CDYL: variants seen among roughly 807,000 people sequenced by gnomAD.
CDYL encodes the protein chromodomain Y-like protein.
Under a neutral mutation model 47.3 loss-of-function variants are expected in CDYL, and 8 were observed. The ratio of observed to expected loss-of-function variants is 0.17; its 90% CI spans 0.10 to 0.31. CDYL has a LOEUF of 0.31. Among genes scored for constraint, CDYL ranks in the 10% least tolerant of loss-of-function variants. The pLI is 1.00. For synonymous variants in CDYL, 266 were observed against 265.0 expected (o/e 1.00, Z -0.04); for missense variants, 471 against 701.4 (o/e 0.67, Z 3.71).
At chr6:4,852,806 C>CTT (rs528608801) in intron 1 of CDYL, among the ~76,000 whole-genome samples, 8 of 146,702 alleles carry the variant, frequency 5.5e-5, no homozygotes, top group Non-Finnish European at 9.0e-5. Flanking sequence ...TTTCTTTGTT[C>CTT]TTTTTTTTTT....
intron 1 of CDYL, among the ~76,000 whole-genome samples, chr6:4,813,450 G>C (rs535270076): frequency 1.1e-3 from 175 of 152,322 alleles, no homozygotes; most frequent in African/African-American, 4.0e-3. Flanking sequence ...GTTTTCTCCT[G>C]TATCTAATGA....
chr6:4,776,877 G>A, intron 1 of CDYL, 70 bp downstream of exon 1: 1 of 732,548 alleles, frequency 1.4e-6, no homozygotes, highest in Non-Finnish European at 1.7e-6. Flanking sequence ...CGCGCCGCCC[G>A]ACGGCCCCGC....
At chr6:4,934,872 G>C (rs1284281561) in intron 2 of CDYL, among the ~76,000 whole-genome samples, 1 of 152,164 alleles carries the variant, frequency 6.6e-6, no homozygotes, top group African/African-American at 2.4e-5. Flanking sequence ...TTTATGTGGT[G>C]GGGGAGAGGA....
At chr6:4,774,334 A>G (rs62384847), upstream of CDYL, among the ~76,000 whole-genome samples, 6 of 152,198 alleles carry the variant, frequency 3.9e-5, no homozygotes, top group Non-Finnish European at 7.3e-5. Flanking sequence ...AGATTTCCCA[A>G]ATGTATAAAA....
chr6:4,837,900 A>G (rs950003245), intron 1 of CDYL, among the ~76,000 whole-genome samples: 3 of 151,124 alleles, frequency 2.0e-5, no homozygotes, highest in Non-Finnish European at 4.4e-5. Context: ...CATCCTCTCC[A>G]GTATCTAGGA....
chr6:4,936,388 A>G (rs547399684), intron 3 of CDYL, among the ~76,000 whole-genome samples: 290 of 152,282 alleles, frequency 1.9e-3, no homozygotes, highest in African/African-American at 6.5e-3. Flanking sequence ...GAGTATTTGA[A>G]CCTAACCTAT....
intron 3 of CDYL, among the ~76,000 whole-genome samples, chr6:4,936,110 T>C (rs937882111): frequency 1.1e-4 from 16 of 152,338 alleles, no homozygotes; most frequent in Admixed American, 9.8e-4. Flanking sequence ...ACGTGGGAAA[T>C]GTGTGTGCAC....
intron 2 of CDYL, among the ~76,000 whole-genome samples, chr6:4,929,671 T>C (rs1757980319): frequency 6.6e-6 from 1 of 152,198 alleles, no homozygotes; most frequent in East Asian, 1.9e-4. Context: ...CTTTTTAGTA[T>C]CTAATTGGTT....
intron 5 of CDYL, among the ~76,000 whole-genome samples, chr6:4,947,645 C>G (rs1027179497): frequency 9.6e-6 from 1 of 103,788 alleles, no homozygotes; most frequent in Non-Finnish European, 2.3e-5. Flanking sequence ...GTTTCTAAAC[C>G]TCTCTCTTCA....
intron 3 of CDYL, among the ~76,000 whole-genome samples, chr6:4,757,695 C>T (rs926667826): frequency 1.3e-5 from 2 of 152,112 alleles, no homozygotes; most frequent in Non-Finnish European, 2.9e-5. Flanking sequence ...CTCTATTTTT[C>T]GTATAACTTT....
intron 1 of CDYL, among the ~76,000 whole-genome samples, chr6:4,863,736 G>A (rs1761239803): frequency 1.3e-5 from 2 of 152,218 alleles, no homozygotes; most frequent in Admixed American, 6.5e-5. Flanking sequence ...TCTTGCAGAA[G>A]CTGAGACATA....
intron 2 of CDYL, among the ~76,000 whole-genome samples, chr6:4,904,823 C>T (rs1757178324): frequency 6.6e-6 from 1 of 152,162 alleles, no homozygotes; most frequent in Non-Finnish European, 1.5e-5. Flanking sequence ...ACAGGTTGTA[C>T]TTAGGACCCG....
intron 1 of CDYL, among the ~76,000 whole-genome samples, chr6:4,802,258 C>T (rs901903009): frequency 7.9e-5 from 12 of 152,062 alleles, no homozygotes; most frequent in African/African-American, 2.9e-4. Context: ...CACTAATTAG[C>T]TTGGCATGGT....
chr6:4,765,288 A>C (rs956928665), intron 3 of CDYL, among the ~76,000 whole-genome samples: 6 of 151,942 alleles, frequency 3.9e-5, no homozygotes, highest in Non-Finnish European at 8.8e-5. Context: ...GCACCACTGT[A>C]CTCCAGCCTT....
chr6:4,850,320 T>G (rs1760786011), intron 1 of CDYL, among the ~76,000 whole-genome samples: 1 of 152,228 alleles, frequency 6.6e-6, no homozygotes, highest in Non-Finnish European at 1.5e-5. Context: ...AGAGATGTAG[T>G]GTCTTATACC....
At chr6:4,857,533 T>C (rs1382326765) in intron 1 of CDYL, among the ~76,000 whole-genome samples, 1 of 152,186 alleles carries the variant, frequency 6.6e-6, no homozygotes, top group African/African-American at 2.4e-5. Flanking sequence ...TAAGGTCTTC[T>C]TTGTAGCTTT....
intron 2 of CDYL, among the ~76,000 whole-genome samples, chr6:4,919,541 T>C (rs562533555): frequency 6.6e-6 from 1 of 152,212 alleles, no homozygotes; most frequent in African/African-American, 2.4e-5. Flanking sequence ...GCATTTCCGT[T>C]GAGTGTTACA....
intron 1 of CDYL, among the ~76,000 whole-genome samples, chr6:4,890,467 C>T (rs538677137): frequency 1.3e-5 from 2 of 152,244 alleles, no homozygotes; most frequent in Admixed American, 6.5e-5. Flanking sequence ...TGTTCCTAAT[C>T]CTTTTTTCTC....
chr6:4,856,836 C>T (rs1471226300), intron 1 of CDYL, among the ~76,000 whole-genome samples: 1 of 152,136 alleles, frequency 6.6e-6, no homozygotes, highest in East Asian at 1.9e-4. Flanking sequence ...ATAATAGAAT[C>T]ATTAGTTAAC....
Sources: gnomAD v4.1 joint callset for allele counts (sites outside exome capture counted in the v4.1 genomes callset) on GRCh38, gnomAD v4.1.1 for gene constraint, MANE v1.5 for transcripts, NCBI Gene and HGNC (gene_info 2026-07-23, HGNC 2026-07-21) for gene names.